Variants in THADA observed in about 807,000 individuals in gnomAD.
THADA encodes the protein THADA armadillo repeat containing, also known as tRNA (32-2'-O)-methyltransferase regulator THADA.
In THADA, 213 loss-of-function variants were observed where a neutral mutation model predicts 219.8. That is an observed-to-expected ratio of 0.97 (90% CI 0.87 to 1.09). The LOEUF (loss-of-function observed/expected upper bound fraction) is 1.09. Ranked by LOEUF, THADA falls within the 50% of genes least tolerant of loss-of-function variation. THADA has a pLI of 0.00. For synonymous variants in THADA, 1,018 were observed against 828.9 expected (o/e 1.23, Z -3.92); for missense variants, 2,956 against 2,311.3 (o/e 1.28, Z -5.72).
intron 36 of THADA, among the ~76,000 whole-genome samples, chr2:43,250,095 T>C (rs1490871334): frequency 6.6e-6 from 1 of 152,172 alleles, no homozygotes; most frequent in Non-Finnish European, 1.5e-5. Context: ...TAAAAGCTTA[T>C]ACATGAATGT....
intron 28 of THADA, among the ~76,000 whole-genome samples, chr2:43,424,002 C>A (rs1678079457): frequency 6.6e-6 from 1 of 152,182 alleles, no homozygotes; most frequent in Non-Finnish European, 1.5e-5. Flanking sequence ...GAAAGCATCA[C>A]ATTCACATGG....
chr2:43,507,160 TA>T (rs1285022952), intron 23 of THADA, among the ~76,000 whole-genome samples: 1 of 151,960 alleles, frequency 6.6e-6, no homozygotes, highest in Admixed American at 6.6e-5. Flanking sequence ...AGCAGATTTT[TA>T]AAAAAAAATT....
intron 30 of THADA, chr2:43,343,387 C>T (rs1312351435): frequency 6.6e-6 from 1 of 152,104 alleles, no homozygotes; most frequent in African/African-American, 2.4e-5. Flanking sequence ...AAGGTAGTAA[C>T]ACTAACACAT....
chr2:43,321,498 G>A (rs1375731170), intron 30 of THADA, among the ~76,000 whole-genome samples: 1 of 152,194 alleles, frequency 6.6e-6, no homozygotes, highest in Non-Finnish European at 1.5e-5. Flanking sequence ...TGAGGGTACT[G>A]TCCTCATGAA....
chr2:43,280,776 G>C (rs1404270274), intron 35 of THADA, among the ~76,000 whole-genome samples: 9 of 152,242 alleles, frequency 5.9e-5, no homozygotes, highest in Non-Finnish European at 1.3e-4. Context: ...TGTCTAGTCA[G>C]CCTGTGCTAG....
At chr2:43,414,173 T>C (rs1351561115) in intron 28 of THADA, among the ~76,000 whole-genome samples, 1 of 152,230 alleles carries the variant, frequency 6.6e-6, no homozygotes, top group Non-Finnish European at 1.5e-5. Context: ...TCCAACTGTA[T>C]TTGCAACTGT....
intron 36 of THADA, 47 bp from the exon 37 acceptor site, chr2:43,232,929 C>A (rs370445422): frequency 1.3e-6 from 2 of 1,550,648 alleles, no homozygotes; most frequent in Non-Finnish European, 8.7e-7. Context: ...TGCTCAGGGC[C>A]GACCCCAGGG....
intron 31 of THADA, among the ~76,000 whole-genome samples, chr2:43,299,430 G>A (rs1275771657): frequency 1.3e-5 from 2 of 152,008 alleles, no homozygotes; most frequent in African/African-American, 4.8e-5. Flanking sequence ...AGGCCGAGGC[G>A]GGCAGATCAC....
At chr2:43,559,485 C>A (rs1261029383) in intron 16 of THADA, among the ~76,000 whole-genome samples, 1 of 152,170 alleles carries the variant, frequency 6.6e-6, no homozygotes, top group East Asian at 1.9e-4. Context: ...CAGAAACCCT[C>A]GGCCTTTATA....
intron 22 of THADA, among the ~76,000 whole-genome samples, chr2:43,514,353 A>C (rs1690893698): frequency 6.7e-6 from 1 of 150,200 alleles, no homozygotes. Flanking sequence ...TGGGAGGCTG[A>C]GGTGGGAGGA....
At chr2:43,569,672 T>A (rs17031053) in intron 14 of THADA, among the ~76,000 whole-genome samples, 4,459 of 152,250 alleles carry the variant, frequency 0.029, 214 homozygotes, top group African/African-American at 0.1. Context: ...CATGTCATAG[T>A]TCAAACGTAT....
chr2:43,264,737 G>C (rs980892697), intron 36 of THADA, among the ~76,000 whole-genome samples: 2 of 152,206 alleles, frequency 1.3e-5, no homozygotes, highest in Admixed American at 1.3e-4. Context: ...GAGCCTGGGG[G>C]AAAAAAGAGG....
At chr2:43,373,418 A>AAC (rs1273274126) in intron 29 of THADA, among the ~76,000 whole-genome samples, 3 of 152,178 alleles carry the variant, frequency 2.0e-5, no homozygotes, top group Non-Finnish European at 4.4e-5. Flanking sequence ...AATTTGTGTT[A>AAC]GTACATGACT....
intron 8 of THADA, among the ~76,000 whole-genome samples, chr2:43,581,473 T>C (rs1235215744): frequency 2.1e-5 from 3 of 146,068 alleles, no homozygotes; most frequent in African/African-American, 7.7e-5. Flanking sequence ...AAACCCAACA[T>C]GCAGAGGTTG....
chr2:43,240,485 C>T (rs1365173461), intron 36 of THADA, among the ~76,000 whole-genome samples: 1 of 152,170 alleles, frequency 6.6e-6, no homozygotes, highest in African/African-American at 2.4e-5. Context: ...TCAACATTTC[C>T]TGGGGCTGCC....
intron 17 of THADA, among the ~76,000 whole-genome samples, chr2:43,553,356 C>A (rs1013869122): frequency 1.1e-4 from 17 of 152,016 alleles, no homozygotes; most frequent in African/African-American, 4.1e-4. Context: ...AAGATGGAGA[C>A]CTTGGAAGGT....
At chr2:43,546,721 T>G (rs538893090) in intron 20 of THADA, among the ~76,000 whole-genome samples, 2 of 152,252 alleles carry the variant, frequency 1.3e-5, no homozygotes, top group South Asian at 4.1e-4. Context: ...TCCATTTGCT[T>G]GGTAGATCTT....
At chr2:43,397,701 G>A (rs1674249638) in intron 29 of THADA, among the ~76,000 whole-genome samples, 1 of 151,820 alleles carries the variant, frequency 6.6e-6, no homozygotes, top group Admixed American at 6.6e-5. Context: ...GTTCAGAGAG[G>A]TGAGGCCAAG....
intron 35 of THADA, among the ~76,000 whole-genome samples, chr2:43,285,989 A>T (rs998098794): frequency 6.6e-6 from 1 of 151,966 alleles, no homozygotes; most frequent in Non-Finnish European, 1.5e-5. Flanking sequence ...CTCTATATCA[A>T]CCTCAATACC....
Sources: gnomAD v4.1 joint callset for allele counts (sites outside exome capture counted in the v4.1 genomes callset) on GRCh38, gnomAD v4.1.1 for gene constraint, MANE v1.5 for transcripts, NCBI Gene and HGNC (gene_info 2026-07-23, HGNC 2026-07-21) for gene names.